The following VNN1 variants were observed in gnomAD, a reference collection of about 807,000 sequenced individuals.
VNN1 encodes the protein vanin 1, also known as pantetheinase.
Under a neutral mutation model 41.9 loss-of-function variants are expected in VNN1, and 29 were observed. The ratio of observed to expected loss-of-function variants is 0.69; its 90% CI spans 0.52 to 0.94. The LOEUF (loss-of-function observed/expected upper bound fraction) is 0.94, where lower values mean the gene tolerates loss of function less well. Among genes scored for constraint, VNN1 ranks in the 40% least tolerant of loss-of-function variants. The pLI is 0.00. For missense variants in VNN1, 637 were observed against 621.1 expected, an observed-to-expected ratio of 1.03 and a Z score of -0.27; for synonymous variants, 233 against 224.4, an observed-to-expected ratio of 1.04 and a Z score of -0.34.
At chr6:132,683,366 A>C (rs774613591) in intron 6 of VNN1, 44 bp from the exon 7 acceptor site, 1 of 1,562,596 alleles carries the variant, frequency 6.4e-7, no homozygotes, top group Non-Finnish European at 8.7e-7. Flanking sequence ...TTCAAGTTTT[A>C]CAATCCCATA....
rs774062040 is a variant in VNN1, at chr6:132,692,243, CCA to C, written c.1166_1167del (p.Val389GlyfsTer15). ...ATTACCTGTAGATAATAGCGCCCTTCCACAGTGTGCAGTCCGTCAAATGCCCC... is the reference window on the plus strand; with the variant it reads ...ATTACCTGTAGATAATAGCGCCCTTCCAGTGTGCAGTCCGTCAAATGCCCC... The part of the protein sequence containing the change: ...ALGAFDGLHT[V>X]EGRYYLQICT... On this transcript the variant is annotated frameshift_variant, in exon 5 of 7. Coordinates refer to ENST00000367928, the MANE Select transcript of VNN1 (RefSeq NM_004666.3). LOFTEE classifies it high-confidence loss of function. 1.4e-5 allele frequency: 23 copies of C among 1,591,406 alleles called. No homozygotes were observed. Among genetic ancestry groups the C allele is most frequent in the Non-Finnish European group, 2.0e-5 (23 of 1,169,084 alleles).
chr6:132,711,637 T>C, intron 2 of VNN1, 72 bp downstream of exon 2: 2 of 1,539,836 alleles, frequency 1.3e-6, no homozygotes, highest in Non-Finnish European at 1.8e-6. Flanking sequence ...TATGCAATGA[T>C]CATCAACAAA....
In VNN1 at chr6:132,680,955, C is replaced by G. The variant is rs1778109575; in HGVS notation, c.*2185G>C. Among the ~76,000 whole-genome samples, 1 of 152,016 alleles carries G rather than the reference C, an allele frequency of 6.6e-6. No individual in the cohort carries two copies. Among genetic ancestry groups the G allele is most frequent in the Admixed American group, 6.6e-5 (1 of 15,254 alleles). On this transcript the variant is annotated 3_prime_UTR_variant, in exon 7 of 7. Transcript: ENST00000367928. ...GGAGTGTATTTTGAAATACATATCA[C>G]ATATAGCAAAAAGAAAAGGAAAACA...
chr6:132,700,824 G>T (rs544211700), intron 2 of VNN1, among the ~76,000 whole-genome samples: 2 of 151,944 alleles, frequency 1.3e-5, no homozygotes, highest in Non-Finnish European at 2.9e-5. Flanking sequence ...CTTCAAATAC[G>T]TTTGGGTTTT....
chr6:132,713,980 G>T lies in VNN1; in HGVS notation c.56C>A (p.Ala19Asp). 6.2e-7 allele frequency: 1 copy of T among 1,614,154 alleles called. No individual in the cohort carries two copies. The highest frequency in any genetic ancestry group is 8.5e-7 in the Non-Finnish European group (1 of 1,180,018). ...TGCAGTGAAAGTGTCCTGGCAGCTGGCTCTTGAGACATAGAAAAGCAAAAT... is the reference window on the plus strand; with the variant it reads ...TGCAGTGAAAGTGTCCTGGCAGCTGTCTCTTGAGACATAGAAAAGCAAAAT... ...VAILLFYVSR[A>D]SCQDTFTAAV... The change falls in exon 1 of 7, where the codon GCC becomes GAC. Residue 19 changes from alanine to aspartate, a missense_variant. Physicochemically the swap from Ala to Asp is moderately radical, Grantham distance 126. Transcript: ENST00000367928.
chr6:132,698,144 G>T (rs1375662600), intron 2 of VNN1, among the ~76,000 whole-genome samples: 1 of 152,194 alleles, frequency 6.6e-6, no homozygotes, highest in Non-Finnish European at 1.5e-5. Flanking sequence ...CCTGAAATCT[G>T]CCTGTTGCTT....
chr6:132,712,032 T>TTTTTC (rs1159188466), intron 1 of VNN1, among the ~76,000 whole-genome samples, 193 bp from the exon 2 acceptor site: 1 of 152,140 alleles, frequency 6.6e-6, no homozygotes, highest in South Asian at 2.1e-4. Context: ...CTTCTTTTTC[T>TTTTTC]TTTTCTTTTC....
chr6:132,698,050 G>A (rs900080536), intron 2 of VNN1, among the ~76,000 whole-genome samples: 3 of 152,114 alleles, frequency 2.0e-5, no homozygotes, highest in Admixed American at 6.5e-5. Context: ...ACATTTCTCA[G>A]GCTGTTTGGC....
chr6:132,694,265 C>T (rs1778335611), intron 2 of VNN1, 83 bp from the exon 3 acceptor site: 1 of 1,319,890 alleles, frequency 7.6e-7, no homozygotes, highest in African/African-American at 1.5e-5. Context: ...GTTGCCTAAA[C>T]CTATTATTTG....
chr6:132,688,627 T>G (rs1185898528), intron 5 of VNN1, among the ~76,000 whole-genome samples: 1 of 152,140 alleles, frequency 6.6e-6, no homozygotes, highest in African/African-American at 2.4e-5. Flanking sequence ...TTTTTTAACT[T>G]AAAAATAATA....
At chr6:132,686,450 A>T (rs1198041518) in intron 5 of VNN1, among the ~76,000 whole-genome samples, 2 of 152,178 alleles carry the variant, frequency 1.3e-5, no homozygotes, top group East Asian at 3.8e-4. Flanking sequence ...TCTCTCAAAA[A>T]AAACAAAGTT....
At chr6:132,703,261 T>G (rs1778473314) in intron 2 of VNN1, among the ~76,000 whole-genome samples, 1 of 152,160 alleles carries the variant, frequency 6.6e-6, no homozygotes, top group African/African-American at 2.4e-5. Context: ...ACATGGAGTG[T>G]TATAACTCTG....
At chr6:132,711,053 T>C (rs1778591776) in intron 2 of VNN1, among the ~76,000 whole-genome samples, 1 of 152,244 alleles carries the variant, frequency 6.6e-6, no homozygotes, top group Non-Finnish European at 1.5e-5. Flanking sequence ...GACTTTTTAA[T>C]GATCACCATT....
chr6:132,699,049 C>A (rs573868183), intron 2 of VNN1: 2 of 238,792 alleles, frequency 8.4e-6, no homozygotes, highest in Non-Finnish European at 1.8e-5. Flanking sequence ...AGGTGCAGCC[C>A]AAGCACCTTG....
chr6:132,704,853 T>C (rs973648387), intron 2 of VNN1, among the ~76,000 whole-genome samples: 3 of 151,798 alleles, frequency 2.0e-5, no homozygotes, highest in African/African-American at 7.3e-5. Flanking sequence ...TGAGACATTA[T>C]AACCAATACT....
In VNN1 at chr6:132,683,304, A is replaced by G. The variant is rs1778155199; in HGVS notation, c.1378T>C (p.Leu460=). 6.2e-7 allele frequency: 1 copy of G among 1,613,576 alleles called. No individual in the cohort carries two copies. The highest frequency in any genetic ancestry group is 1.7e-5 in the Admixed American group (1 of 59,838). ...CCGGATGTTGGCTTCAGACTAAACA[A>G]GCGTCCGTCAGTTGACACCTGATTA... ...GEFQVSTDGR[L]FSLKPTSGPV... is the part of the protein sequence containing the mutation. The change falls in exon 7 of 7, where the codon TTG becomes CTG. Residue 460 remains leucine, a synonymous_variant. Transcript: ENST00000367928.
chr6:132,689,270 A>AACACACACAC lies in VNN1; in HGVS notation c.1188+2943_1188+2952dup, dbSNP rs58998291. Among the ~76,000 whole-genome samples, 515 of 151,522 alleles carry AACACACACAC rather than the reference A, an allele frequency of 3.4e-3. 3 individuals carry two copies. Among genetic ancestry groups the AACACACACAC allele is most frequent in the African/African-American group, 0.012 (500 of 41,372 alleles). ...ATCAAGGCTCTCTCGTTTGTTGAGA[A>AACACACACAC]ACACACACACACACATACACACATA... On this transcript the variant is annotated intron_variant, in intron 5 of 6. Coordinates refer to ENST00000367928, the MANE Select transcript of VNN1 (RefSeq NM_004666.3).
intron 2 of VNN1, among the ~76,000 whole-genome samples, chr6:132,702,140 G>A (rs772369292): frequency 6.6e-6 from 1 of 152,202 alleles, no homozygotes; most frequent in Admixed American, 6.5e-5. Context: ...CTGCACGGCA[G>A]TACCAGTCCA....
At chr6:132,688,890 A>G (rs1285376225) in intron 5 of VNN1, among the ~76,000 whole-genome samples, 1 of 151,726 alleles carries the variant, frequency 6.6e-6, no homozygotes, top group Non-Finnish European at 1.5e-5. Flanking sequence ...GATTCCTTGT[A>G]TATTTTATTT....
Sources: allele counts gnomAD v4.1 joint callset (sites outside exome capture counted in the v4.1 genomes callset), GRCh38; gene constraint gnomAD v4.1.1; transcripts MANE v1.5; gene names NCBI Gene and HGNC (gene_info 2026-07-23, HGNC 2026-07-21).